Variants in PDE10A observed in about 807,000 individuals in gnomAD.
PDE10A encodes phosphodiesterase 10A, also known as cAMP and cAMP-inhibited cGMP 3',5'-cyclic phosphodiesterase 10A.
A neutral mutation model predicts 97.7 loss-of-function variants in PDE10A; 39 were observed. That is an observed-to-expected ratio of 0.40 (90% CI 0.31 to 0.52). The LOEUF is 0.52. Ranked by LOEUF, PDE10A falls within the 20% of genes least tolerant of loss-of-function variation. The pLI, the probability that PDE10A is intolerant of heterozygous loss-of-function variation, is 0.56. For synonymous variants in PDE10A, 371 were observed against 376.8 expected, an observed-to-expected ratio of 0.98 and a Z score of 0.18; for missense variants, 731 against 1,047.8, an observed-to-expected ratio of 0.70 and a Z score of 4.17.
In PDE10A at chr6:165,907,787, G is replaced by A. The variant is rs374443321; in HGVS notation, c.-615+79742C>T. On this transcript the variant is annotated intron_variant, in intron 1 of 19. Coordinates refer to the PDE10A transcript ENST00000366882. ...AGCAGCATGGATGAGGGCTGAGGCC[G>A]CGCCCAGAGCAGCATGGGTGAGGGC... Among the ~76,000 whole-genome samples, 11 of 148,380 alleles carry A rather than the reference G, an allele frequency of 7.4e-5. No individual in the cohort carries two copies. In the South Asian group the frequency reaches 1.0e-3, roughly 14 times the overall value.
intron 18 of PDE10A, among the ~76,000 whole-genome samples, chr6:165,360,040 G>A (rs180732093): frequency 9.9e-5 from 15 of 152,222 alleles, no homozygotes; most frequent in African/African-American, 2.4e-4. Flanking sequence ...TTGAGTTTAC[G>A]CTTTGGTTAG....
intron 1 of PDE10A, among the ~76,000 whole-genome samples, chr6:165,651,360 A>C (rs1366590161): frequency 1.3e-5 from 2 of 152,092 alleles, no homozygotes; most frequent in African/African-American, 4.8e-5. Flanking sequence ...AGTCATGTCC[A>C]AGAGCTCTTT....
chr6:165,366,126 C>T (rs1456128387), intron 18 of PDE10A, among the ~76,000 whole-genome samples: 2 of 152,114 alleles, frequency 1.3e-5, no homozygotes, highest in South Asian at 2.1e-4. Flanking sequence ...AAACCTTATA[C>T]ATGATAAACA....
intron 1 of PDE10A, among the ~76,000 whole-genome samples, chr6:165,641,082 C>A (rs9347083): frequency 0.22 from 33,928 of 152,106 alleles, 5,071 homozygotes; most frequent in Admixed American, 0.38. Context: ...GTCTGCTTCA[C>A]CTGACCACAG....
chr6:165,737,934 C>G (rs1792619691), intron 1 of PDE10A, among the ~76,000 whole-genome samples: 1 of 152,178 alleles, frequency 6.6e-6, no homozygotes, highest in Non-Finnish European at 1.5e-5. Flanking sequence ...ACATTTAGAG[C>G]TAATAAACAG....
intron 1 of PDE10A, among the ~76,000 whole-genome samples, chr6:165,606,800 A>G (rs1345646364): frequency 6.6e-6 from 1 of 152,116 alleles, no homozygotes; most frequent in Admixed American, 6.5e-5. Context: ...TGACTGGACC[A>G]TGGAGTGCGT....
chr6:165,426,788 G>T (rs1443327885), intron 10 of PDE10A, among the ~76,000 whole-genome samples: 1 of 151,930 alleles, frequency 6.6e-6, no homozygotes, highest in African/African-American at 2.4e-5. Context: ...AAAATACGAA[G>T]AATTCAATTA....
intron 1 of PDE10A, among the ~76,000 whole-genome samples, chr6:165,623,279 C>T (rs1470605725): frequency 6.6e-6 from 1 of 152,148 alleles, no homozygotes; most frequent in East Asian, 1.9e-4. Flanking sequence ...GCACCGGCCA[C>T]CATGCCCGGC....
chr6:165,840,197 C>T (rs2128473031), intron 1 of PDE10A, among the ~76,000 whole-genome samples: 1 of 144,658 alleles, frequency 6.9e-6, no homozygotes, highest in Non-Finnish European at 1.5e-5. Flanking sequence ...TTTATCCCAT[C>T]CCCATCCCCA....
chr6:165,606,482 G>A (rs958942384), intron 1 of PDE10A, among the ~76,000 whole-genome samples: 2 of 152,132 alleles, frequency 1.3e-5, no homozygotes, highest in African/African-American at 2.4e-5. Flanking sequence ...GGATGGGAGC[G>A]TGGGAAAGTG....
intron 1 of PDE10A, among the ~76,000 whole-genome samples, chr6:165,889,868 TCC>T (rs1781729686): frequency 1.8e-5 from 2 of 108,110 alleles, no homozygotes; most frequent in African/African-American, 3.7e-5. Context: ...CCTCACTCAC[TCC>T]TCACTCCTCC....
chr6:165,804,774 G>A (rs990021784), intron 1 of PDE10A, among the ~76,000 whole-genome samples: 3 of 151,698 alleles, frequency 2.0e-5, no homozygotes, highest in Non-Finnish European at 4.4e-5. Context: ...CGGCGGCGGG[G>A]GACTGGGCGA....
intron 13 of PDE10A, among the ~76,000 whole-genome samples, chr6:165,405,852 T>C (rs1199454162): frequency 1.3e-5 from 2 of 152,134 alleles, no homozygotes; most frequent in Non-Finnish European, 2.9e-5. Context: ...CTTTTGGAAA[T>C]GATACCTTTA....
At chr6:165,859,117 A>G (rs140023188) in intron 1 of PDE10A, among the ~76,000 whole-genome samples, 96 of 152,334 alleles carry the variant, frequency 6.3e-4, no homozygotes, top group African/African-American at 2.3e-3. Flanking sequence ...TTCACTGATC[A>G]AAACAAAACT....
intron 1 of PDE10A, chr6:165,894,674 G>C (rs1214219810): frequency 2.7e-6 from 1 of 372,398 alleles, no homozygotes; most frequent in Non-Finnish European, 5.3e-6. Flanking sequence ...ATAGCACCTT[G>C]AGGATTCTTC....
chr6:165,907,552 G>A (rs890196857), intron 1 of PDE10A, among the ~76,000 whole-genome samples: 1 of 152,382 alleles, frequency 6.6e-6, no homozygotes, highest in African/African-American at 2.4e-5. Flanking sequence ...TGGCCGCCCT[G>A]AAGTTTGTGG....
At position 165,494,533 on chromosome 6, in the gene PDE10A, TA is replaced by T. The variant is rs200015239; in HGVS notation, c.995-12191del. Among the ~76,000 whole-genome samples the T allele has an allele frequency of 2.0e-4, 29 of 142,394 alleles. No homozygotes were observed. In the East Asian group the frequency reaches 3.7e-3, roughly 18 times the overall value. The allele number at this position is 142,394 out of a possible 152,430, so 93.4% of individuals were successfully genotyped here. On this transcript the variant is annotated intron_variant, in intron 2 of 21. Coordinates refer to ENST00000539869, the MANE Select transcript of PDE10A (RefSeq NM_001385079.1). ...TGGTGTGTGCATATATATATATATA[TA>T]TATTTATTTATTTATTTAATAAAGA...
intron 2 of PDE10A, among the ~76,000 whole-genome samples, chr6:165,524,057 C>A (rs1214440203): frequency 2.6e-5 from 4 of 152,180 alleles, no homozygotes; most frequent in Non-Finnish European, 5.9e-5. Context: ...TTCTCCCATG[C>A]TGGATGCTTC....
intron 1 of PDE10A, among the ~76,000 whole-genome samples, chr6:165,609,163 T>C (rs1187290238): frequency 6.6e-6 from 1 of 152,214 alleles, no homozygotes; most frequent in East Asian, 1.9e-4. Context: ...TTTTGGTGTT[T>C]TAGACATGAA....
Sources: gnomAD v4.1 joint callset for allele counts (sites outside exome capture counted in the v4.1 genomes callset) on GRCh38, gnomAD v4.1.1 for gene constraint, MANE v1.5 for transcripts, NCBI Gene and HGNC (gene_info 2026-07-23, HGNC 2026-07-21) for gene names.